CORIN: variants seen among roughly 807,000 people sequenced by gnomAD.
CORIN encodes atrial natriuretic peptide-converting enzyme.
Under a neutral mutation model 125.3 loss-of-function variants are expected in CORIN, and 117 were observed. The observed-to-expected ratio is 0.93, with a 90% confidence interval of 0.80 to 1.09. The LOEUF (loss-of-function observed/expected upper bound fraction) is 1.09, where lower values mean the gene tolerates loss of function less well. CORIN is among the 50% of genes least tolerant of loss of function. The pLI is 0.00. For missense variants in CORIN, 1,253 were observed against 1,306.7 expected, an observed-to-expected ratio of 0.96 and a Z score of 0.63; for synonymous variants, 450 against 466.4, an observed-to-expected ratio of 0.96 and a Z score of 0.45.
chr4:47,613,962 A>T lies in CORIN; in HGVS notation c.2540+9609T>A, dbSNP rs867346302. Among the ~76,000 whole-genome samples the T allele has an allele frequency of 2.7e-3, 408 of 152,182 alleles. 3 individuals carry two copies. The highest frequency in any genetic ancestry group is 0.014 in the Middle Eastern group (4 of 294). On this transcript the variant is annotated intron_variant, in intron 19 of 21. Transcript: ENST00000273857. ...ACCCTAAAACTTAAAGTATAATAAA[A>T]AAAAAAAAGAAATCAAAGTAATTGT...
intron 1 of CORIN, among the ~76,000 whole-genome samples, chr4:47,837,145 C>A (rs1322794195): frequency 1.3e-5 from 2 of 152,248 alleles, no homozygotes; most frequent in African/African-American, 4.8e-5. Flanking sequence ...AGAGCCTGCG[C>A]CCCCGGCGGC....
At chr4:47,729,373 T>C (rs13135940) in intron 5 of CORIN, among the ~76,000 whole-genome samples, 14,942 of 152,218 alleles carry the variant, frequency 0.098, 871 homozygotes, top group East Asian at 0.27. Context: ...TCATCTCATT[T>C]TTGACCACTC....
intron 16 of CORIN, among the ~76,000 whole-genome samples, chr4:47,640,508 C>T (rs1158840071): frequency 6.6e-6 from 1 of 152,132 alleles, no homozygotes; most frequent in Non-Finnish European, 1.5e-5. Context: ...GAGTAACTGC[C>T]TAGTGAGTAC....
At chr4:47,692,573 C>A (rs1055543570) in intron 6 of CORIN, among the ~76,000 whole-genome samples, 1 of 151,764 alleles carries the variant, frequency 6.6e-6, no homozygotes, top group Admixed American at 6.6e-5. Context: ...AAACAAGAGG[C>A]TTTGTATTTA....
chr4:47,721,246 G>C (rs1440135244), intron 5 of CORIN, among the ~76,000 whole-genome samples: 1 of 151,820 alleles, frequency 6.6e-6, no homozygotes, highest in Non-Finnish European at 1.5e-5. Flanking sequence ...CCCATCATGG[G>C]GGCTCCACCC....
In CORIN at chr4:47,775,368, C is replaced by G. The variant is rs566668976; in HGVS notation, c.409+11357G>C. On this transcript the variant is annotated intron_variant, in intron 3 of 21. Coordinates refer to ENST00000273857, the MANE Select transcript of CORIN (RefSeq NM_006587.4). Reference sequence around the variant, plus strand: ...TATCTCCTAATGCTATCTCTCCCCCCTCCTCCCACCCCACGACGGGCCCCC... The same window carrying G: ...TATCTCCTAATGCTATCTCTCCCCCGTCCTCCCACCCCACGACGGGCCCCC... 2.6e-5 allele frequency among the ~76,000 whole-genome samples: 4 copies of G among 152,212 alleles called. No individual in the cohort carries two copies. In the East Asian group the frequency reaches 5.8e-4, roughly 22 times the overall value.
intron 5 of CORIN, among the ~76,000 whole-genome samples, chr4:47,719,263 GTGAACCAC>G (rs1727240290): frequency 4.6e-5 from 7 of 152,078 alleles, no homozygotes; most frequent in Admixed American, 4.6e-4. Flanking sequence ...GCTCTTCCCA[GTGAACCAC>G]CAAATTCTCC....
chr4:47,795,754 A>T (rs1235214530), intron 2 of CORIN, among the ~76,000 whole-genome samples: 2 of 151,990 alleles, frequency 1.3e-5, no homozygotes, highest in African/African-American at 4.8e-5. Flanking sequence ...CTCACAAATC[A>T]ATAGCAAAAA....
intron 2 of CORIN, among the ~76,000 whole-genome samples, chr4:47,797,160 A>G (rs1049486528): frequency 6.6e-6 from 1 of 150,896 alleles, no homozygotes; most frequent in Admixed American, 6.6e-5. Context: ...GTTTCTCAAC[A>G]TATCAAAATA....
intron 5 of CORIN, among the ~76,000 whole-genome samples, chr4:47,701,961 A>T (rs1426246770): frequency 2.0e-5 from 3 of 152,130 alleles, no homozygotes; most frequent in South Asian, 2.1e-4. Context: ...CAAATTTCTA[A>T]AAAACATGGG....
At chr4:47,619,934 T>C (rs548001564) in intron 19 of CORIN, among the ~76,000 whole-genome samples, 1 of 152,306 alleles carries the variant, frequency 6.6e-6, no homozygotes, top group Admixed American at 6.5e-5. Context: ...AACATTCCAG[T>C]GTGTTTTTTG....
intron 4 of CORIN, among the ~76,000 whole-genome samples, chr4:47,752,825 A>G (rs1195282584): frequency 1.3e-5 from 2 of 152,218 alleles, no homozygotes; most frequent in Non-Finnish European, 2.9e-5. Context: ...AATATTTGGC[A>G]TACTTACCAG....
At chr4:47,821,335 C>A (rs1382827786) in intron 1 of CORIN, among the ~76,000 whole-genome samples, 1 of 151,186 alleles carries the variant, frequency 6.6e-6, no homozygotes, top group Non-Finnish European at 1.5e-5. Context: ...GAAAATACTT[C>A]AATGATTAGG....
chr4:47,786,906 A>T lies in CORIN; in HGVS notation c.228T>A (p.Tyr76Ter). The T allele has an allele frequency of 1.9e-6, 3 of 1,612,740 alleles. No individual in the cohort carries two copies. Among genetic ancestry groups the T allele is most frequent in the Non-Finnish European group, 2.5e-6 (3 of 1,178,790 alleles). ...LSYVGTLQKV[Y>*]FKSNGSEPLV... is the part of the protein sequence containing the mutation. ...AAGGTTCACTCCCATTTGATTTAAA[A>T]TAGACCTTTTGTAATGTTCCTGAAA... Residue 76 changes from tyrosine (Y) to a stop codon, truncating the protein, a stop_gained, in exon 3 of 22, where the codon TAT (tyrosine) becomes TAA (stop). Coordinates refer to ENST00000273857, the MANE Select transcript of CORIN (RefSeq NM_006587.4). LOFTEE classifies it high-confidence loss of function.
At chr4:47,801,460 T>C (rs1731536626) in intron 2 of CORIN, among the ~76,000 whole-genome samples, 1 of 152,198 alleles carries the variant, frequency 6.6e-6, no homozygotes, top group East Asian at 1.9e-4. Context: ...AAGGCACTAA[T>C]ACAAGAATCA....
chr4:47,753,683 C>T (rs1456605153), intron 4 of CORIN, among the ~76,000 whole-genome samples: 2 of 151,986 alleles, frequency 1.3e-5, no homozygotes, highest in Non-Finnish European at 2.9e-5. Context: ...GTATTCTGCC[C>T]GACCCCGCAG....
intron 5 of CORIN, among the ~76,000 whole-genome samples, chr4:47,724,147 G>GT (rs1727483363): frequency 6.6e-6 from 1 of 152,066 alleles, no homozygotes; most frequent in Non-Finnish European, 1.5e-5. Flanking sequence ...ACTCCATGAA[G>GT]TAAGGGTCAA....
At chr4:47,792,474 T>G (rs1174168217) in intron 2 of CORIN, among the ~76,000 whole-genome samples, 1 of 152,200 alleles carries the variant, frequency 6.6e-6, no homozygotes, top group Non-Finnish European at 1.5e-5. Flanking sequence ...AAAAACCCTA[T>G]GGACAAAGGG....
intron 1 of CORIN, among the ~76,000 whole-genome samples, chr4:47,818,808 G>C (rs968486960): frequency 1.3e-5 from 2 of 151,242 alleles, no homozygotes; most frequent in African/African-American, 2.4e-5. Flanking sequence ...AGGAAGTCAA[G>C]GCTGCAGTGA....
Sources: allele counts gnomAD v4.1 joint callset (sites outside exome capture counted in the v4.1 genomes callset), GRCh38; gene constraint gnomAD v4.1.1; transcripts MANE v1.5; gene names NCBI Gene and HGNC (gene_info 2026-07-23, HGNC 2026-07-21).